Variants in RABGAP1 observed in about 807,000 individuals in gnomAD.
The protein encoded by RABGAP1 is RAB GTPase activating protein 1, also known as rab GTPase-activating protein 1.
In RABGAP1, 23 loss-of-function variants were observed where a neutral mutation model predicts 137.6. The ratio of observed to expected loss-of-function variants is 0.17; its 90% CI spans 0.12 to 0.24. The LOEUF (loss-of-function observed/expected upper bound fraction) is 0.24, where lower values mean the gene tolerates loss of function less well. Among genes scored for constraint, RABGAP1 ranks in the 10% least tolerant of loss-of-function variants. RABGAP1 has a pLI of 1.00. For missense variants in RABGAP1, 906 were observed against 1,275.8 expected, an observed-to-expected ratio of 0.71 and a Z score of 4.42; for synonymous variants, 451 against 450.7, an observed-to-expected ratio of 1.00 and a Z score of -0.01.
chr9:123,070,465 C>G lies in RABGAP1; in HGVS notation c.1983+41C>G, dbSNP rs748137497. The G allele has an allele frequency of 6.2e-7, 1 of 1,613,328 alleles. No individual in the cohort carries two copies. Among genetic ancestry groups the G allele is most frequent in the Admixed American group, 1.7e-5 (1 of 59,952 alleles). ...TCTGTTATGACTTAACACATGGCCTCCCTCAGCTTATACTAACCTTAGGCT... is the reference window on the plus strand; with the variant it reads ...TCTGTTATGACTTAACACATGGCCTGCCTCAGCTTATACTAACCTTAGGCT... On this transcript the variant is annotated intron_variant, in intron 15 of 25. Transcript: ENST00000373647. The surrounding 1 kb of genome is among the most constrained non-coding windows in gnomAD (Gnocchi z 4.4).
intron 13 of RABGAP1, among the ~76,000 whole-genome samples, chr9:123,050,349 T>C (rs1360853646): frequency 6.6e-6 from 1 of 152,226 alleles, no homozygotes; most frequent in Non-Finnish European, 1.5e-5. Flanking sequence ...GCAAGTATGG[T>C]TTTTGCCTTC....
chr9:123,058,050 A>AGGGGAGAC (rs1554725448), intron 13 of RABGAP1, among the ~76,000 whole-genome samples: 1 of 136,838 alleles, frequency 7.3e-6, no homozygotes, highest in African/African-American at 2.7e-5. Flanking sequence ...GTGGAAAGAG[A>AGGGGAGAC]GGGGAGAGGG....
At chr9:123,031,689 T>G (rs1236526358) in intron 13 of RABGAP1, among the ~76,000 whole-genome samples, 1 of 152,150 alleles carries the variant, frequency 6.6e-6, no homozygotes, top group Non-Finnish European at 1.5e-5. Flanking sequence ...GGTGATTGAT[T>G]CCTAAGTTTC....
At chr9:123,036,698 A>G (rs1032822476) in intron 13 of RABGAP1, among the ~76,000 whole-genome samples, 33 of 152,280 alleles carry the variant, frequency 2.2e-4, no homozygotes, top group African/African-American at 7.9e-4. Context: ...TTTGAAAAGT[A>G]TTCTTTCAGT....
intron 1 of RABGAP1, among the ~76,000 whole-genome samples, 200 bp from the exon 2 acceptor site, chr9:122,956,811 A>G (rs763080147): frequency 1.8e-4 from 27 of 152,074 alleles, no homozygotes; most frequent in Non-Finnish European, 3.2e-4. Flanking sequence ...GAAGTCTGAA[A>G]TATCTTGGCC....
At chr9:122,956,648 T>TG (rs1588165089) in intron 1 of RABGAP1, among the ~76,000 whole-genome samples, 1 of 12,806 alleles carries the variant, frequency 7.8e-5, no homozygotes, top group Admixed American at 5.8e-4. Context: ...AGACTCCGTC[T>TG]CAAAAAAAAA....
intron 3 of RABGAP1, 83 bp from the exon 4 acceptor site, chr9:122,986,132 T>TA: frequency 7.8e-7 from 1 of 1,285,940 alleles, no homozygotes; most frequent in South Asian, 1.3e-5. Context: ...CCTTAAATGT[T>TA]ACTTGCAGAT....
At chr9:123,062,072 A>C (rs1444470471) in intron 13 of RABGAP1, 2 of 152,258 alleles carry the variant, frequency 1.3e-5, no homozygotes, top group Non-Finnish European at 2.9e-5. Context: ...GTTGAAAACC[A>C]GCCTGACCAA....
intron 13 of RABGAP1, among the ~76,000 whole-genome samples, chr9:123,059,579 AAAAC>A (rs1455568415): frequency 6.6e-6 from 1 of 152,174 alleles, no homozygotes; most frequent in Non-Finnish European, 1.5e-5. Context: ...TTAAAAAACA[AAAAC>A]AAAAAAAACT....
chr9:123,053,672 C>T (rs1051305435), intron 13 of RABGAP1, among the ~76,000 whole-genome samples: 32 of 152,010 alleles, frequency 2.1e-4, no homozygotes, highest in Admixed American at 1.9e-3. Flanking sequence ...ATTCTGTTTT[C>T]TTAACTGTTA....
intron 12 of RABGAP1, among the ~76,000 whole-genome samples, chr9:123,017,526 T>A (rs1023388490): frequency 6.6e-6 from 1 of 152,202 alleles, no homozygotes; most frequent in Admixed American, 6.5e-5. Flanking sequence ...TGGATATGTG[T>A]TCTATGGGTA....
chr9:123,071,842 T>C (rs1489873195), intron 15 of RABGAP1, among the ~76,000 whole-genome samples: 4 of 152,176 alleles, frequency 2.6e-5, no homozygotes, highest in Admixed American at 2.6e-4. Context: ...TGGTACAGTA[T>C]ACAGAAGTCC....
At chr9:122,960,897 CTT>C (rs1407657149) in intron 2 of RABGAP1, among the ~76,000 whole-genome samples, 5 of 152,120 alleles carry the variant, frequency 3.3e-5, no homozygotes, top group Non-Finnish European at 7.4e-5. Context: ...GAAAAACTCA[CTT>C]GAGGGCACAA....
intron 1 of RABGAP1, among the ~76,000 whole-genome samples, chr9:122,943,084 T>C (rs930884659): frequency 3.7e-4 from 11 of 29,900 alleles, no homozygotes; most frequent in Non-Finnish European, 2.6e-3. Flanking sequence ...TTTTTTTTTT[T>C]TTTTTTTTTT....
intron 13 of RABGAP1, among the ~76,000 whole-genome samples, chr9:123,037,110 T>C (rs1331840702): frequency 6.6e-6 from 1 of 152,084 alleles, no homozygotes; most frequent in Non-Finnish European, 1.5e-5. Flanking sequence ...AATGCGACAG[T>C]GGTGTTCAGT....
Position 122,960,483 on chromosome 9 carries a change from G to A in RABGAP1, c.150+3274G>A, listed in dbSNP as rs985457352. Among the ~76,000 whole-genome samples, 16 of 152,288 alleles carry A rather than the reference G, an allele frequency of 1.1e-4. No homozygotes were observed. In the South Asian group the frequency reaches 1.4e-3, roughly 14 times the overall value. ...TCCAGAGGCTTAACACTAGACAATG[G>A]AATCTACAAAAATCAACTAGCCAGT... On this transcript the variant is annotated intron_variant, in intron 2 of 25. Coordinates refer to ENST00000373647, the MANE Select transcript of RABGAP1 (RefSeq NM_012197.4).
intron 1 of RABGAP1, among the ~76,000 whole-genome samples, chr9:122,942,568 G>A (rs889460459): frequency 2.0e-5 from 3 of 149,768 alleles, no homozygotes; most frequent in Admixed American, 1.3e-4. Context: ...TAATCGGGAG[G>A]CTGAGGCAAC....
intron 13 of RABGAP1, among the ~76,000 whole-genome samples, chr9:123,049,456 G>A (rs934507355): frequency 1.3e-5 from 2 of 152,044 alleles, no homozygotes; most frequent in African/African-American, 2.4e-5. Flanking sequence ...ATGGATTTTT[G>A]CTTCTGAGAA....
At chr9:122,963,693 C>T (rs1454512825) in intron 2 of RABGAP1, among the ~76,000 whole-genome samples, 1 of 152,074 alleles carries the variant, frequency 6.6e-6, no homozygotes, top group Non-Finnish European at 1.5e-5. Context: ...AATATCCTAA[C>T]GTTCCACCTT....
Sources: allele counts gnomAD v4.1 joint callset (sites outside exome capture counted in the v4.1 genomes callset), GRCh38; gene constraint gnomAD v4.1.1; non-coding constraint Gnocchi (gnomAD v3.1); transcripts MANE v1.5; gene names NCBI Gene and HGNC (gene_info 2026-07-23, HGNC 2026-07-21).